Variants in ATP6V0D1 observed in about 807,000 individuals in gnomAD.
ATP6V0D1 encodes ATPase H+ transporting V0 subunit d1, also known as V-type proton ATPase subunit d 1.
In ATP6V0D1, 13 loss-of-function variants were observed where a neutral mutation model predicts 39.0. The ratio of observed to expected loss-of-function variants is 0.33; its 90% CI spans 0.22 to 0.53. ATP6V0D1 has a LOEUF of 0.53. Ranked by LOEUF, ATP6V0D1 falls within the 20% of genes least tolerant of loss-of-function variation. ATP6V0D1 has a pLI of 0.94. For synonymous variants in ATP6V0D1, 191 were observed against 191.2 expected (o/e 1.00, Z 0.01); for missense variants, 272 against 470.9 (o/e 0.58, Z 3.91).
At chr16:67,464,395 G>A (rs892607115) in intron 1 of ATP6V0D1, among the ~76,000 whole-genome samples, 2 of 152,220 alleles carry the variant, frequency 1.3e-5, no homozygotes, top group South Asian at 4.1e-4. Flanking sequence ...CCATAATTAC[G>A]CCCTTGGGCC....
intron 1 of ATP6V0D1, among the ~76,000 whole-genome samples, chr16:67,458,559 G>A (rs140006766): frequency 5.9e-5 from 9 of 152,272 alleles, no homozygotes; most frequent in Non-Finnish European, 8.8e-5. Flanking sequence ...TCGGGGGACC[G>A]CTCTGGTCTA....
chr16:67,462,598 G>A (rs984729301), intron 1 of ATP6V0D1, among the ~76,000 whole-genome samples: 2 of 152,216 alleles, frequency 1.3e-5, no homozygotes, highest in Admixed American at 6.5e-5. Flanking sequence ...ACCAAGGTGA[G>A]GGAATCACTT....
At chr16:67,471,088 C>T (rs1358061984) in intron 1 of ATP6V0D1, among the ~76,000 whole-genome samples, 1 of 152,170 alleles carries the variant, frequency 6.6e-6, no homozygotes, top group African/African-American at 2.4e-5. Flanking sequence ...GTAACAATTG[C>T]ACATATTTAT....
At position 67,478,861 on chromosome 16, in the gene ATP6V0D1, A is replaced by C. The variant is rs1159316673; in HGVS notation, c.130+2096T>G. Among the ~76,000 whole-genome samples, 8 of 152,302 alleles carry C rather than the reference A, an allele frequency of 5.3e-5. 1 individual carries two copies. The East Asian group carries it at 1.5e-3, about 29-fold the overall frequency. ...CTGTGCCCCCAGAAGCTGTTACAGG[A>C]GAGCGGACAGCAGCAGGAGTGAGGA... On this transcript the variant is annotated intron_variant, in intron 1 of 7. Coordinates refer to ENST00000290949, the MANE Select transcript of ATP6V0D1 (RefSeq NM_004691.5).
At chr16:67,452,163 T>C (rs1216969421) in intron 2 of ATP6V0D1, 4 of 1,495,186 alleles carry the variant, frequency 2.7e-6, no homozygotes, top group African/African-American at 1.4e-5. Context: ...GGAGCTGCAA[T>C]GTGACCCCTA....
rs1422816741 is a variant in ATP6V0D1 at position 67,438,472 on chromosome 16, C to T, written c.*56G>A. 43 of 1,579,192 alleles carry T rather than the reference C, an allele frequency of 2.7e-5. No homozygotes were observed. Among genetic ancestry groups the T allele is most frequent in the East Asian group, 4.6e-5 (2 of 43,912 alleles). ...ACATACACACACACGCACACACACGCGCACACACACACACACACACACAAA... is the reference window on the plus strand; with the variant it reads ...ACATACACACACACGCACACACACGTGCACACACACACACACACACACAAA... On this transcript the variant is annotated 3_prime_UTR_variant, in exon 8 of 8. Coordinates refer to ENST00000290949, the MANE Select transcript of ATP6V0D1 (RefSeq NM_004691.5).
At chr16:67,464,200 A>G (rs113310574) in intron 1 of ATP6V0D1, among the ~76,000 whole-genome samples, 37 of 152,316 alleles carry the variant, frequency 2.4e-4, no homozygotes, top group Admixed American at 3.9e-4. Context: ...AGGCCTGAGG[A>G]AAAGACAAGG....
chr16:67,467,126 G>A (rs1332504925), intron 1 of ATP6V0D1, among the ~76,000 whole-genome samples: 1 of 152,002 alleles, frequency 6.6e-6, no homozygotes. Flanking sequence ...GGAAATCTAT[G>A]ATATGGTGCA....
intron 1 of ATP6V0D1, among the ~76,000 whole-genome samples, chr16:67,480,198 C>CA (rs5817621): frequency 0.043 from 1,232 of 28,796 alleles, 43 homozygotes; most frequent in African/African-American, 0.087. Context: ...GACTCCGTCT[C>CA]AAAAAAAAAA....
chr16:67,446,519 C>T (rs773020665), intron 2 of ATP6V0D1, among the ~76,000 whole-genome samples: 1 of 152,184 alleles, frequency 6.6e-6, no homozygotes, highest in African/African-American at 2.4e-5. Flanking sequence ...CAGCCTCCTG[C>T]CCCCAACCCC....
chr16:67,479,270 G>C (rs1049483699), intron 1 of ATP6V0D1, among the ~76,000 whole-genome samples: 1 of 150,556 alleles, frequency 6.6e-6, no homozygotes, highest in African/African-American at 2.5e-5. Flanking sequence ...CTGGAGTGCA[G>C]TGGTGCAGTC....
chr16:67,455,452 G>A (rs543404570), intron 1 of ATP6V0D1: 1 of 152,282 alleles, frequency 6.6e-6, no homozygotes, highest in East Asian at 1.9e-4. Flanking sequence ...ATCTCTGGGG[G>A]GCTGGTAGCA....
In ATP6V0D1 at chr16:67,453,750, T is replaced by G; in HGVS notation, c.131-35A>C. The G allele has an allele frequency of 6.2e-7, 1 of 1,605,174 alleles. No homozygotes were observed. The highest frequency in any genetic ancestry group is 8.5e-7 in the Non-Finnish European group (1 of 1,175,470). On this transcript the variant is annotated intron_variant, in intron 1 of 7. Coordinates refer to ENST00000290949, the MANE Select transcript of ATP6V0D1 (RefSeq NM_004691.5). The surrounding 1 kb of genome is among the most constrained non-coding windows in gnomAD (Gnocchi z 4.1). ...AAGGGTAGGGGGTAAGGGCTAGCCTTGCTGGGCCTCCCCAAGGGTCCCAAG... is the reference window on the plus strand; with the variant it reads ...AAGGGTAGGGGGTAAGGGCTAGCCTGGCTGGGCCTCCCCAAGGGTCCCAAG...
At chr16:67,463,109 G>A (rs974871660) in intron 1 of ATP6V0D1, among the ~76,000 whole-genome samples, 2 of 152,200 alleles carry the variant, frequency 1.3e-5, no homozygotes, top group Non-Finnish European at 2.9e-5. Flanking sequence ...CAGCCCAAAG[G>A]AGAAAAGTAG....
At chr16:67,472,882 A>C (rs977947243) in intron 1 of ATP6V0D1, among the ~76,000 whole-genome samples, 1 of 152,136 alleles carries the variant, frequency 6.6e-6, no homozygotes, top group Non-Finnish European at 1.5e-5. Context: ...AAATATATAT[A>C]TATTTCCAGG....
rs1254980202 is a variant in ATP6V0D1 at position 67,456,234 on chromosome 16, G to C, written c.131-2519C>G. 6.6e-6 allele frequency: 1 copy of C among 151,860 alleles called. No homozygotes were observed. Among genetic ancestry groups the C allele is most frequent in the Non-Finnish European group, 1.5e-5 (1 of 67,976 alleles). 9.4% of individuals were successfully genotyped at this position (151,860 alleles called of 1,614,324 possible). On this transcript the variant is annotated intron_variant, in intron 1 of 7. Transcript: ENST00000290949. This position sits in a 1 kb window ranked among gnomAD's most constrained non-coding sequence, Gnocchi z 4.1. The stretch of plus-strand genomic sequence containing the variant: ...GGCTGGTCTCGAACTCCTGACCTCA[G>C]CCTCCACCTGCCTCAGCCTCCCAAA...
At chr16:67,473,085 C>T (rs1051260161) in intron 1 of ATP6V0D1, among the ~76,000 whole-genome samples, 1 of 152,114 alleles carries the variant, frequency 6.6e-6, no homozygotes, top group African/African-American at 2.4e-5. Context: ...TGCAAATCCT[C>T]GACACACACT....
intron 7 of ATP6V0D1, 45 bp from the exon 8 acceptor site, chr16:67,438,734 G>GAGTC (rs2041007735): frequency 2.5e-6 from 4 of 1,614,070 alleles, no homozygotes; most frequent in Non-Finnish European, 3.4e-6. Context: ...CATGGCCACA[G>GAGTC]AGTCAGGTCT....
At chr16:67,460,697 G>A (rs894649434) in intron 1 of ATP6V0D1, among the ~76,000 whole-genome samples, 3 of 151,858 alleles carry the variant, frequency 2.0e-5, no homozygotes, top group Admixed American at 6.6e-5. Context: ...TTCCCCATCC[G>A]GAACCTTGGC....
Sources: gnomAD v4.1 joint callset for allele counts (sites outside exome capture counted in the v4.1 genomes callset) on GRCh38, gnomAD v4.1.1 for gene constraint, Gnocchi (gnomAD v3.1) non-coding constraint, MANE v1.5 for transcripts, NCBI Gene and HGNC (gene_info 2026-07-23, HGNC 2026-07-21) for gene names.